The following EMSY variants were observed in gnomAD, a reference collection of about 807,000 sequenced individuals.
EMSY encodes the protein EMSY transcriptional repressor, BRCA2 interacting, also known as BRCA2-interacting transcriptional repressor EMSY.
Under a neutral mutation model 134.6 loss-of-function variants are expected in EMSY, and 26 were observed. The ratio of observed to expected loss-of-function variants is 0.19; its 90% CI spans 0.14 to 0.27. EMSY has a LOEUF of 0.27. EMSY is among the 10% of genes least tolerant of loss of function. EMSY has a pLI of 1.00. For missense variants in EMSY, 1,305 were observed against 1,611.4 expected, an observed-to-expected ratio of 0.81 and a Z score of 3.26; for synonymous variants, 579 against 577.8, an observed-to-expected ratio of 1.00 and a Z score of -0.03.
At chr11:76,478,681 A>T (rs976663718) in intron 8 of EMSY, among the ~76,000 whole-genome samples, 4 of 151,886 alleles carry the variant, frequency 2.6e-5, no homozygotes, top group African/African-American at 9.7e-5. Context: ...AAAAGTTCAT[A>T]TTCTATTTGG....
chr11:76,480,075 C>CA (rs1948910834), intron 8 of EMSY, among the ~76,000 whole-genome samples: 1 of 152,158 alleles, frequency 6.6e-6, no homozygotes, highest in South Asian at 2.1e-4. Context: ...AGTTCATTGA[C>CA]AAGTTTGTCA....
At chr11:76,465,890 C>G (rs1176307958) in intron 7 of EMSY, among the ~76,000 whole-genome samples, 1 of 152,196 alleles carries the variant, frequency 6.6e-6, no homozygotes, top group African/African-American at 2.4e-5. Flanking sequence ...TGTTCAGGAA[C>G]ATCCACTACC....
intron 9 of EMSY, among the ~76,000 whole-genome samples, chr11:76,508,160 C>T (rs932515520): frequency 6.6e-6 from 1 of 152,146 alleles, no homozygotes; most frequent in African/African-American, 2.4e-5. Flanking sequence ...CATGAGCCAC[C>T]ACACCCAGCC....
intron 7 of EMSY, among the ~76,000 whole-genome samples, chr11:76,466,047 G>A (rs1948338473): frequency 6.6e-6 from 1 of 152,204 alleles, no homozygotes; most frequent in Non-Finnish European, 1.5e-5. Flanking sequence ...AAAGGGCTGG[G>A]TGGGCTCACC....
intron 12 of EMSY, 31 bp from the exon 14 acceptor site, chr11:76,526,431 A>G: frequency 6.5e-7 from 1 of 1,534,884 alleles, no homozygotes; most frequent in Non-Finnish European, 8.8e-7. Flanking sequence ...ATGCATATAA[A>G]TCTCTTATAT....
chr11:76,497,271 T>A (rs1949693426), intron 9 of EMSY: 1 of 152,324 alleles, frequency 6.6e-6, no homozygotes, highest in Non-Finnish European at 1.5e-5. Flanking sequence ...ATTGCTGGAT[T>A]CAATTTGTCT....
At chr11:76,455,311 T>C (rs1171327380) in intron 4 of EMSY, among the ~76,000 whole-genome samples, 6 of 152,132 alleles carry the variant, frequency 3.9e-5, no homozygotes, top group Non-Finnish European at 8.8e-5. Context: ...CTTGTTTTAA[T>C]ATATTATTGT....
At chr11:76,453,345 C>A in exon 4 of EMSY, 1 of 1,612,872 alleles carries the variant, frequency 6.2e-7, no homozygotes, top group South Asian at 1.1e-5. Flanking sequence ...TGCTGAAGTT[C>A]GGAGAGCAGT....
chr11:76,480,168 A>G (rs1948914766), intron 8 of EMSY, among the ~76,000 whole-genome samples: 2 of 152,234 alleles, frequency 1.3e-5, no homozygotes, highest in Non-Finnish European at 1.5e-5. Context: ...AATGCCCCAG[A>G]AAGACACTGG....
intron 7 of EMSY, among the ~76,000 whole-genome samples, chr11:76,468,536 T>A (rs533655760): frequency 6.6e-6 from 1 of 152,358 alleles, no homozygotes; most frequent in Admixed American, 6.5e-5. Context: ...CTTGGGTAAT[T>A]GGATTTTTCT....
At chr11:76,446,076 G>A (rs557787323) in intron 1 of EMSY, among the ~76,000 whole-genome samples, 72 of 152,026 alleles carry the variant, frequency 4.7e-4, no homozygotes, top group Non-Finnish European at 8.2e-4. Context: ...TCATCCATTC[G>A]TTTTGCTCAG....
At chr11:76,480,738 G>T (rs1407550398) in intron 8 of EMSY, among the ~76,000 whole-genome samples, 1 of 152,202 alleles carries the variant, frequency 6.6e-6, no homozygotes, top group Non-Finnish European at 1.5e-5. Flanking sequence ...ACTGGGACTG[G>T]TTAGACAGTG....
intron 18 of EMSY, among the ~76,000 whole-genome samples, chr11:76,542,821 A>T (rs1190376038): frequency 6.6e-6 from 1 of 150,406 alleles, no homozygotes; most frequent in African/African-American, 2.4e-5. Flanking sequence ...GAAAATAAAT[A>T]TTTGATTTTT....
chr11:76,468,283 T>G (rs1948439627), intron 7 of EMSY, among the ~76,000 whole-genome samples: 1 of 152,080 alleles, frequency 6.6e-6, no homozygotes, highest in Non-Finnish European at 1.5e-5. Context: ...ACCATGAGAG[T>G]TCAGGTTCAG....
chr11:76,493,540 G>A (rs1443708135), intron 8 of EMSY, among the ~76,000 whole-genome samples: 3 of 152,110 alleles, frequency 2.0e-5, no homozygotes, highest in African/African-American at 7.2e-5. Context: ...GGACCAATTA[G>A]CATGCACTTT....
chr11:76,498,695 T>C (rs947365865), intron 9 of EMSY, among the ~76,000 whole-genome samples: 2 of 152,226 alleles, frequency 1.3e-5, no homozygotes, highest in Non-Finnish European at 2.9e-5. Context: ...GCCATATAAA[T>C]TAATGATGGT....
In EMSY at chr11:76,472,550, T is replaced by C; in HGVS notation, c.832-14T>C. The C allele has an allele frequency of 6.2e-7, 1 of 1,606,660 alleles. No individual in the cohort carries two copies. Among genetic ancestry groups the C allele is most frequent in the Non-Finnish European group, 8.5e-7 (1 of 1,174,196 alleles). On this transcript the variant is annotated splice_polypyrimidine_tract_variant and intron_variant, in intron 7 of 20. Transcript: ENST00000334736. ...TAGTAGGTACATAAAAATAACTTATTTTTTATTCCTTAGGTTATTATAGTC... is the reference window on the plus strand; with the variant it reads ...TAGTAGGTACATAAAAATAACTTATCTTTTATTCCTTAGGTTATTATAGTC...
At chr11:76,500,261 A>C (rs1949811093) in intron 9 of EMSY, among the ~76,000 whole-genome samples, 1 of 152,222 alleles carries the variant, frequency 6.6e-6, no homozygotes, top group Non-Finnish European at 1.5e-5. Flanking sequence ...TGTTAATATA[A>C]TACTTAATGT....
chr11:76,471,300 C>T (rs1948559444), intron 7 of EMSY, among the ~76,000 whole-genome samples: 1 of 152,064 alleles, frequency 6.6e-6, no homozygotes, highest in Admixed American at 6.6e-5. Context: ...ACTCTGCACC[C>T]AGTTTTCTCA....
Sources: allele counts gnomAD v4.1 joint callset (sites outside exome capture counted in the v4.1 genomes callset), GRCh38; gene constraint gnomAD v4.1.1; transcripts MANE v1.5; gene names NCBI Gene and HGNC (gene_info 2026-07-23, HGNC 2026-07-21).